DCHS2: variants seen among roughly 807,000 people sequenced by gnomAD.
DCHS2 encodes the protein dachsous cadherin-related 2, also known as protocadherin-23.
DCHS2 carries 142 observed loss-of-function variants against 182.4 expected under a neutral mutation model. That is an observed-to-expected ratio of 0.78 (90% CI 0.68 to 0.89). The LOEUF (loss-of-function observed/expected upper bound fraction) is 0.89, where lower values mean the gene tolerates loss of function less well. Ranked by LOEUF, DCHS2 falls within the 40% of genes least tolerant of loss-of-function variation. The pLI is 0.00. For synonymous variants in DCHS2, 1,740 were observed against 1,663.3 expected, an observed-to-expected ratio of 1.05 and a Z score of -1.12; for missense variants, 4,319 against 4,198.6, an observed-to-expected ratio of 1.03 and a Z score of -0.79.
chr4:154,314,379 A>G (rs191536206), intron 10 of DCHS2, among the ~76,000 whole-genome samples: 2 of 152,290 alleles, frequency 1.3e-5, no homozygotes, highest in East Asian at 3.9e-4. Flanking sequence ...ACTGCCAAAA[A>G]CGTACTAAGT....
rs140527010 is a variant in DCHS2, at chr4:154,332,767, C to G, written c.3441G>C (p.Gln1147His). The G allele has an allele frequency of 4.8e-4, 771 of 1,614,226 alleles. 6 individuals are homozygous for G. In the African/African-American group the frequency reaches 9.6e-3, roughly 20 times the overall value. ...ATGTTTGGGTGGATTCATAGTCAAA[C>G]TGTCGCCGCAAATAAATCCAGCCCG... ...PYTGWIYLRR[Q>H]FDYESTQTYN... The change falls in exon 5 of 20, where the codon CAG becomes CAC. Residue 1147 changes from glutamine (Q) to histidine (H), a missense_variant. Physicochemically the swap from Gln to His is conservative, Grantham distance 24. Transcript: ENST00000357232.
At position 154,468,865 on chromosome 4, in the gene DCHS2, G is replaced by A. The variant is rs140304804; in HGVS notation, c.2052+20439C>T. ...TGGTTTCCTAGGACTACTAAAATAC[G>A]GATCATGCTATTGTGAAGGCACTTA... is the stretch of plus-strand genomic sequence containing the variant. On this transcript the variant is annotated intron_variant, in intron 1 of 19. Transcript: ENST00000357232. 9.2e-5 allele frequency among the ~76,000 whole-genome samples: 14 copies of A among 152,082 alleles called. No homozygotes were observed. The East Asian group carries it at 2.5e-3, about 27-fold the overall frequency.
In DCHS2 at chr4:154,471,210, G is replaced by A. The variant is rs73854795; in HGVS notation, c.2052+18094C>T. ...AATGTTTCAACTCCACAGTGTCTCCGACAGCCCAGTTTTTGTTTCAGAATG... is the reference window on the plus strand; with the variant it reads ...AATGTTTCAACTCCACAGTGTCTCCAACAGCCCAGTTTTTGTTTCAGAATG... On this transcript the variant is annotated intron_variant, in intron 1 of 19. Transcript: ENST00000357232. Among the ~76,000 whole-genome samples the A allele has an allele frequency of 6.4e-3, 975 of 152,154 alleles. 21 individuals carry two copies. The South Asian group carries it at 0.069, about 11-fold the overall frequency.
intron 2 of DCHS2, among the ~76,000 whole-genome samples, chr4:154,367,455 C>A (rs1449770749): frequency 1.3e-5 from 2 of 152,150 alleles, no homozygotes; most frequent in Non-Finnish European, 2.9e-5. Flanking sequence ...GAAGGGAATG[C>A]AGCACCTAAA....
rs142049472 is a variant in DCHS2 at position 154,273,998 on chromosome 4, G to T, written c.6464-3985C>A. The stretch of plus-strand genomic sequence containing the variant: ...GAGGAAACATCTAAAAGGAACAGGA[G>T]CTGACATGGTGTCAGAGATGAGTAC... On this transcript the variant is annotated intron_variant, in intron 13 of 19. Coordinates refer to ENST00000357232, the MANE Select transcript of DCHS2 (RefSeq NM_001358235.2). Among the ~76,000 whole-genome samples the T allele has an allele frequency of 1.1e-4, 16 of 152,262 alleles. No individual in the cohort carries two copies. The East Asian group carries it at 2.9e-3, about 28-fold the overall frequency.
rs375800399 is a variant in DCHS2, at chr4:154,490,788, C to T, written c.568G>A (p.Val190Ile). ...SPPGTAFRLP[V>I]AHDPDAGLFS... ...AGTCCGGCGTCCGGATCGTGGGCAA[C>T]TGGCAGGCGGAAGGCGGTCCCTGGC... is the stretch of plus-strand genomic sequence containing the variant. The change falls in exon 1 of 20, where the codon GTT becomes ATT. Residue 190 changes from valine to isoleucine, a missense_variant. Transcript: ENST00000357232. The T allele has an allele frequency of 1.3e-4, 207 of 1,551,474 alleles. No homozygotes were observed. Among genetic ancestry groups the T allele is most frequent in the Non-Finnish European group, 1.7e-4 (200 of 1,146,902 alleles).
Position 154,298,190 on chromosome 4 carries a change from G to T in DCHS2, c.6124C>A (p.Pro2042Thr), listed in dbSNP as rs1294293302. Residue 2042 changes from proline (P) to threonine (T), a missense_variant, in exon 13 of 20, where the codon CCT (proline) becomes ACT (threonine). Coordinates refer to ENST00000357232, the MANE Select transcript of DCHS2 (RefSeq NM_001358235.2). ...NDNDPVLEQN[P>T]FDVFLSPESP... The stretch of plus-strand genomic sequence containing the variant: ...TCGGGGGAAAGAAACACATCAAAAG[G>T]GTTCTGTTCCAAAACTGGATCATTG... 3 of 1,614,048 alleles carry T rather than the reference G, an allele frequency of 1.9e-6. No individual in the cohort carries two copies. The highest frequency in any genetic ancestry group is 2.5e-6 in the Non-Finnish European group (3 of 1,179,992).
intron 1 of DCHS2, among the ~76,000 whole-genome samples, chr4:154,418,670 T>C (rs2110909291): frequency 6.6e-6 from 1 of 152,346 alleles, no homozygotes; most frequent in East Asian, 1.9e-4. Flanking sequence ...TTTTCTACCC[T>C]GATATAAATT....
chr4:154,384,495 T>C (rs1217384625), intron 1 of DCHS2: 3 of 1,563,432 alleles, frequency 1.9e-6, no homozygotes, highest in South Asian at 2.3e-5. Context: ...AATGCTGGCC[T>C]CCAAAAAACC....
chr4:154,289,987 A>AG (rs200830062), intron 13 of DCHS2, among the ~76,000 whole-genome samples: 219 of 130,348 alleles, frequency 1.7e-3, no homozygotes, highest in African/African-American at 4.3e-3. Flanking sequence ...CAAATTGGAA[A>AG]GGAAAAAGTC....
chr4:154,250,273 T>G (rs1391845426), intron 16 of DCHS2, among the ~76,000 whole-genome samples: 1 of 152,156 alleles, frequency 6.6e-6, no homozygotes, highest in East Asian at 1.9e-4. Flanking sequence ...ACATTATCTT[T>G]TTCTAGATCT....
intron 16 of DCHS2, 24 bp downstream of exon 16, chr4:154,255,494 CA>C (rs765866305): frequency 1.3e-6 from 2 of 1,598,966 alleles, no homozygotes; most frequent in South Asian, 2.3e-5. Flanking sequence ...TAAATGGAGC[CA>C]ATGGATCTGA....
Position 154,400,086 on chromosome 4 carries a change from G to C in DCHS2, c.2053-22642C>G, listed in dbSNP as rs535689928. ...TGGGAGGCCGAGGCGGGCGGATCAC[G>C]AGGTCAGGAGATCGAGACCATCCTG... On this transcript the variant is annotated intron_variant, in intron 1 of 19. Transcript: ENST00000357232. Among the ~76,000 whole-genome samples the C allele has an allele frequency of 3.2e-3, 487 of 152,056 alleles. 4 individuals carry two copies. The highest frequency in any genetic ancestry group is 0.011 in the African/African-American group (459 of 41,492).
At chr4:154,450,455 A>G (rs1734485674) in intron 1 of DCHS2, among the ~76,000 whole-genome samples, 1 of 152,236 alleles carries the variant, frequency 6.6e-6, no homozygotes, top group Admixed American at 6.5e-5. Context: ...TGGATACTAC[A>G]GAGAATGTTC....
At position 154,298,067 on chromosome 4, in the gene DCHS2, T is replaced by A. The variant is rs779971803; in HGVS notation, c.6247A>T (p.Met2083Leu). 2 of 1,614,136 alleles carry A rather than the reference T, an allele frequency of 1.2e-6. No individual in the cohort carries two copies. Among genetic ancestry groups the A allele is most frequent in the Non-Finnish European group, 1.7e-6 (2 of 1,180,012 alleles). ...CCTGTGTATTTATCAATAGAAAACA[T>A]TGACTGGGTCTCTGCAAAACTAAAA... Reference protein sequence around the residue: ...VVFSFAETQSMFSIDKYTGEI... With the variant: ...VVFSFAETQSLFSIDKYTGEI... The change falls in exon 13 of 20, where the codon ATG becomes TTG. Residue 2083 changes from methionine (M) to leucine (L), a missense_variant. Transcript: ENST00000357232.
At chr4:154,286,389 TGA>T (rs1734398720) in intron 13 of DCHS2, among the ~76,000 whole-genome samples, 1 of 152,022 alleles carries the variant, frequency 6.6e-6, no homozygotes, top group East Asian at 1.9e-4. Context: ...CTGGAGAAAC[TGA>T]GATAGGTGAC....
chr4:154,321,181 A>G lies in DCHS2; in HGVS notation c.4218T>C (p.Asn1406=), dbSNP rs1221084456. 1 of 1,572,130 alleles carries G rather than the reference A, an allele frequency of 6.4e-7. No individual in the cohort carries two copies. Among genetic ancestry groups the G allele is most frequent in the Non-Finnish European group, 8.6e-7 (1 of 1,156,658 alleles). The part of the protein sequence containing the change: ...LSKGRAIMSQ[N]IRHLIIPENL... ...TTTCTGGTATAATTAAATGTCTAAT[A>G]TTCTGAGACATGATTGCTCTCCCTT... Residue 1406 remains asparagine (N), a synonymous_variant, in exon 9 of 20, where the codon AAT becomes AAC. Transcript: ENST00000357232.
intron 1 of DCHS2, among the ~76,000 whole-genome samples, chr4:154,430,281 C>G (rs917585722): frequency 1.3e-5 from 2 of 152,144 alleles, no homozygotes; most frequent in Non-Finnish European, 2.9e-5. Context: ...TTAGGCCATA[C>G]CCTACAGCCA....
chr4:154,319,827 C>T (rs1469918684), intron 9 of DCHS2, among the ~76,000 whole-genome samples: 1 of 152,100 alleles, frequency 6.6e-6, no homozygotes, highest in African/African-American at 2.4e-5. Flanking sequence ...AGCAACTCCA[C>T]TTTTGGATAT....
Sources: gnomAD v4.1 joint callset for allele counts (sites outside exome capture counted in the v4.1 genomes callset) on GRCh38, gnomAD v4.1.1 for gene constraint, MANE v1.5 for transcripts, NCBI Gene and HGNC (gene_info 2026-07-23, HGNC 2026-07-21) for gene names.